NCAPG: variants seen among roughly 807,000 people sequenced by gnomAD.
NCAPG encodes condensin complex subunit 3.
NCAPG carries 69 observed loss-of-function variants against 113.1 expected under a neutral mutation model. That is an observed-to-expected ratio of 0.61 (90% CI 0.50 to 0.75). NCAPG has a LOEUF of 0.75. Among genes scored for constraint, NCAPG ranks in the 30% least tolerant of loss-of-function variants. The probability of loss-of-function intolerance (pLI) is 0.00; values close to 1 mark genes in which losing one functional copy is unlikely to be tolerated. For synonymous variants in NCAPG, 370 were observed against 415.8 expected, an observed-to-expected ratio of 0.89 and a Z score of 1.34; for missense variants, 1,058 against 1,177.0, an observed-to-expected ratio of 0.90 and a Z score of 1.48.
At chr4:17,814,633 CAG>C (rs1721122970) in intron 3 of NCAPG, among the ~76,000 whole-genome samples, 1 of 151,878 alleles carries the variant, frequency 6.6e-6, no homozygotes, top group East Asian at 1.9e-4. Context: ...TTTGTAGAGA[CAG>C]GGGTCTTTCT....
intron 9 of NCAPG, 104 bp from the exon 10 acceptor site, chr4:17,824,864 A>G: frequency 1.5e-6 from 1 of 677,696 alleles, no homozygotes; most frequent in Non-Finnish European, 2.4e-6. Flanking sequence ...TTTTTGCTCC[A>G]TTATTCAATA....
Position 17,811,274 on chromosome 4 carries a change from G to A in NCAPG, c.111+86G>A. On this transcript the variant is annotated intron_variant, in intron 1 of 20. Transcript: ENST00000251496. The surrounding 1 kb of genome is among the most constrained non-coding windows in gnomAD (Gnocchi z 5.3). ...GCCCTCCGTGGCCCTCGGGCTCGGC[G>A]CACCGTGACTCCAGCCTTGTTCACC... The A allele has an allele frequency of 4.0e-6, 3 of 750,142 alleles. No individual in the cohort carries two copies. Among genetic ancestry groups the A allele is most frequent in the South Asian group, 2.0e-5 (1 of 49,644 alleles). The allele number at this position is 750,142 out of a possible 1,614,324, so 46.5% of individuals were successfully genotyped here. A position where few individuals can be genotyped will look rare whatever the true frequency, so the allele number is the denominator to read the frequency against.
chr4:17,812,379 G>A lies in NCAPG; in HGVS notation c.270G>A (p.Glu90=), dbSNP rs1297916346. ...CAGATATGGAAGATGATGAGGAAGA[G>A]GAAGATGGTGGCCTTTTAAATTATT... ...HQSDMEDDEE[E]EDGGLLNYLF... Residue 90 remains glutamate, a synonymous_variant, in exon 2 of 21, where the codon GAG becomes GAA. Coordinates refer to ENST00000251496, the MANE Select transcript of NCAPG (RefSeq NM_022346.5). 2 of 1,613,664 alleles carry A rather than the reference G, an allele frequency of 1.2e-6. No homozygotes were observed. Among genetic ancestry groups the A allele is most frequent in the African/African-American group, 2.7e-5 (2 of 74,896 alleles).
intron 6 of NCAPG, among the ~76,000 whole-genome samples, chr4:17,817,674 C>T (rs1020153251): frequency 6.6e-6 from 1 of 152,000 alleles, no homozygotes; most frequent in Non-Finnish European, 1.5e-5. Context: ...CTATGCTTTT[C>T]CCCCCTTCAG....
chr4:17,830,003 T>G (rs1721798114), intron 12 of NCAPG, among the ~76,000 whole-genome samples: 3 of 152,286 alleles, frequency 2.0e-5, no homozygotes, highest in South Asian at 4.1e-4. Flanking sequence ...AGACATTACA[T>G]GTATGAAAAA....
intron 13 of NCAPG, among the ~76,000 whole-genome samples, chr4:17,831,902 A>G (rs1290637273): frequency 6.6e-6 from 1 of 152,208 alleles, no homozygotes; most frequent in Non-Finnish European, 1.5e-5. Context: ...ACTGGGCATA[A>G]AGTGGTGTAG....
chr4:17,818,833 A>G (rs1160697511), intron 7 of NCAPG, among the ~76,000 whole-genome samples: 2 of 152,208 alleles, frequency 1.3e-5, no homozygotes, highest in African/African-American at 4.8e-5. Context: ...ACTTTATTTC[A>G]CTTTAAAATT....
At chr4:17,815,119 C>A in intron 4 of NCAPG, 121 bp downstream of exon 4, 1 of 1,359,178 alleles carries the variant, frequency 7.4e-7, no homozygotes, top group Non-Finnish European at 1.0e-6. Context: ...TTATGGAGAA[C>A]ACAGGTAATT....
At chr4:17,813,404 A>C (rs1348042916) in intron 3 of NCAPG, 2 of 252,484 alleles carry the variant, frequency 7.9e-6, no homozygotes, top group Non-Finnish European at 1.5e-5. Flanking sequence ...CTCTTGCTTA[A>C]ATTAAAAAAA....
chr4:17,837,028 C>A, intron 14 of NCAPG, 131 bp from the exon 15 acceptor site: 1 of 700,908 alleles, frequency 1.4e-6, no homozygotes, highest in Non-Finnish European at 2.2e-6. Flanking sequence ...TTTTATTTGC[C>A]TTTAAAGAAT....
In NCAPG at chr4:17,813,004, A is replaced by C. The variant is rs1721060655; in HGVS notation, c.403A>C (p.Ile135Leu). 2 of 1,614,046 alleles carry C rather than the reference A, an allele frequency of 1.2e-6. No homozygotes were observed. Among genetic ancestry groups the C allele is most frequent in the Non-Finnish European group, 1.7e-6 (2 of 1,179,950 alleles). The change falls in exon 3 of 21, where the codon ATT (isoleucine) becomes CTT (leucine). Residue 135 changes from isoleucine to leucine, a missense_variant. Ile to Leu is a conservative substitution (Grantham distance 5). Coordinates refer to ENST00000251496, the MANE Select transcript of NCAPG (RefSeq NM_022346.5). ...GGGAAGTATGCCAGAAAATGCTCAGATTGATGATGATGTGTTTGATAAAAT... is the reference window on the plus strand; with the variant it reads ...GGGAAGTATGCCAGAAAATGCTCAGCTTGATGATGATGTGTTTGATAAAAT... ...LLGSMPENAQ[I>L]DDDVFDKINK...
chr4:17,825,703 T>G (rs945295313), intron 11 of NCAPG, 142 bp downstream of exon 11: 25 of 662,434 alleles, frequency 3.8e-5, no homozygotes, highest in African/African-American at 2.7e-4. Flanking sequence ...ATGAAAAAAG[T>G]TTTTCCCTGT....
intron 13 of NCAPG, among the ~76,000 whole-genome samples, chr4:17,833,130 G>T (rs1404021962): frequency 6.6e-6 from 1 of 152,088 alleles, no homozygotes; most frequent in Admixed American, 6.5e-5. Context: ...CCAGCACTTT[G>T]GGAGGCTGAG....
At chr4:17,839,528 G>A (rs1722245876) in intron 16 of NCAPG, 148 bp from the exon 17 acceptor site, 4 of 512,690 alleles carry the variant, frequency 7.8e-6, no homozygotes, top group Non-Finnish European at 1.3e-5. Context: ...TTATTTTGGG[G>A]GTAGGGAGGA....
At chr4:17,821,644 A>G (rs1386454524) in intron 7 of NCAPG, among the ~76,000 whole-genome samples, 1 of 151,740 alleles carries the variant, frequency 6.6e-6, no homozygotes, top group East Asian at 1.9e-4. Flanking sequence ...TTATATTTTT[A>G]GTAGAGATGG....
At chr4:17,826,135 G>A (rs925247584) in intron 11 of NCAPG, among the ~76,000 whole-genome samples, 1 of 152,062 alleles carries the variant, frequency 6.6e-6, no homozygotes, top group African/African-American at 2.4e-5. Flanking sequence ...CTTAAATGGA[G>A]TATGTCTTTC....
Position 17,840,108 on chromosome 4 carries a change from A to G in NCAPG, c.2666A>G (p.Lys889Arg). 2.5e-6 allele frequency: 4 copies of G among 1,611,632 alleles called. No individual in the cohort carries two copies. The highest frequency in any genetic ancestry group is 1.7e-4 in the Middle Eastern group (1 of 6,048). The change falls in exon 18 of 21, where the codon AAA becomes AGA. Residue 889 changes from lysine (K) to arginine (R), a missense_variant. Transcript: ENST00000251496. Reference sequence around the variant, plus strand: ...AGGACATGTCTGAGAGCTTTGGAGAAAATCAAGATTCAGTTAGAAAAAGGA... The same window carrying G: ...AGGACATGTCTGAGAGCTTTGGAGAGAATCAAGATTCAGTTAGAAAAAGGA... Reference protein sequence around the residue: ...KDRTCLRALEKIKIQLEKGNK... With the variant: ...KDRTCLRALERIKIQLEKGNK...
rs551060935 is a variant in NCAPG at position 17,812,231 on chromosome 4, A to C, written c.122A>C (p.Lys41Thr). Residue 41 changes from lysine (K) to threonine (T), a missense_variant, in exon 2 of 21, where the codon AAG becomes ACG. Transcript: ENST00000251496. ...LSRTYRTMDD[K>T]TVFHEEFIHY... ...TCTTTTGTCTTTCAGATGGATGATA[A>C]GACAGTTTTTCATGAGGAGTTCATT... 1 of 1,612,266 alleles carries C rather than the reference A, an allele frequency of 6.2e-7. No homozygotes were observed. The highest frequency in any genetic ancestry group is 1.7e-5 in the Admixed American group (1 of 59,668).
At chr4:17,832,603 G>A (rs1721909424) in intron 13 of NCAPG, among the ~76,000 whole-genome samples, 1 of 152,156 alleles carries the variant, frequency 6.6e-6, no homozygotes, top group African/African-American at 2.4e-5. Flanking sequence ...TGAGTTTGGA[G>A]TATAGGGGAG....
Sources: allele counts gnomAD v4.1 joint callset (sites outside exome capture counted in the v4.1 genomes callset), GRCh38; gene constraint gnomAD v4.1.1; non-coding constraint Gnocchi (gnomAD v3.1); transcripts MANE v1.5; gene names NCBI Gene and HGNC (gene_info 2026-07-23, HGNC 2026-07-21).